The following SLC8A1 variants were observed in gnomAD, a reference collection of about 807,000 sequenced individuals.
SLC8A1 encodes solute carrier family 8 member A1.
In SLC8A1, 18 loss-of-function variants were observed where a neutral mutation model predicts 68.3. That is an observed-to-expected ratio of 0.26 (90% CI 0.18 to 0.39). The LOEUF is 0.39. SLC8A1 is among the 10% of genes least tolerant of loss of function. SLC8A1 has a pLI of 1.00. For synonymous variants in SLC8A1, 475 were observed against 415.5 expected (o/e 1.14, Z -1.74); for missense variants, 985 against 1,156.7 (o/e 0.85, Z 2.15).
intron 2 of SLC8A1, among the ~76,000 whole-genome samples, chr2:40,248,548 G>A (rs1015505595): frequency 6.6e-6 from 1 of 152,220 alleles, no homozygotes; most frequent in South Asian, 2.1e-4. Context: ...TGGAACTGTG[G>A]GAAATACATT....
At chr2:40,464,685 G>T (rs1417116714) in intron 1 of SLC8A1, among the ~76,000 whole-genome samples, 1 of 152,178 alleles carries the variant, frequency 6.6e-6, no homozygotes, top group Non-Finnish European at 1.5e-5. Flanking sequence ...AAGTGGGGAT[G>T]TGGTGGGGGC....
chr2:40,284,955 C>G (rs2068079067), intron 2 of SLC8A1, among the ~76,000 whole-genome samples: 1 of 152,080 alleles, frequency 6.6e-6, no homozygotes, highest in African/African-American at 2.4e-5. Context: ...CATTTTGATA[C>G]TCTAGTTTTA....
At chr2:40,345,770 C>G (rs774953148) in intron 2 of SLC8A1, among the ~76,000 whole-genome samples, 1 of 152,046 alleles carries the variant, frequency 6.6e-6, no homozygotes, top group African/African-American at 2.4e-5. Flanking sequence ...TGCATGTTCT[C>G]AGTCATAAGT....
intron 1 of SLC8A1, among the ~76,000 whole-genome samples, chr2:40,430,980 T>C (rs1488249420): frequency 6.6e-6 from 1 of 152,178 alleles, no homozygotes; most frequent in Non-Finnish European, 1.5e-5. Flanking sequence ...GAGAAAAAAA[T>C]TCTGCTATAA....
At chr2:40,218,768 G>A (rs1270258750) in intron 2 of SLC8A1, among the ~76,000 whole-genome samples, 1 of 151,790 alleles carries the variant, frequency 6.6e-6, no homozygotes, top group African/African-American at 2.4e-5. Flanking sequence ...TGCAGAGATT[G>A]GTAGACCTGT....
At chr2:40,256,728 A>G (rs1242343048) in intron 2 of SLC8A1, among the ~76,000 whole-genome samples, 1 of 152,174 alleles carries the variant, frequency 6.6e-6, no homozygotes, top group Non-Finnish European at 1.5e-5. Context: ...TAGGCCTATC[A>G]CCAGATTTTG....
chr2:40,354,172 C>G (rs1199449024), intron 2 of SLC8A1, among the ~76,000 whole-genome samples: 1 of 152,124 alleles, frequency 6.6e-6, no homozygotes, highest in Non-Finnish European at 1.5e-5. Flanking sequence ...TATATGAGTG[C>G]CTTTGTTTTC....
chr2:40,419,771 T>C (rs1351729496), intron 2 of SLC8A1, among the ~76,000 whole-genome samples: 1 of 152,158 alleles, frequency 6.6e-6, no homozygotes, highest in East Asian at 1.9e-4. Flanking sequence ...TAATTTTGCG[T>C]TCCCACTTTT....
At chr2:40,255,728 C>CAAACT (rs570845013) in intron 2 of SLC8A1, among the ~76,000 whole-genome samples, 73 of 152,294 alleles carry the variant, frequency 4.8e-4, no homozygotes, top group African/African-American at 1.7e-3. Flanking sequence ...CCTTAATTGA[C>CAAACT]AAACTATGTT....
chr2:40,394,437 C>T (rs990597264), intron 2 of SLC8A1, among the ~76,000 whole-genome samples: 18 of 151,372 alleles, frequency 1.2e-4, no homozygotes, highest in African/African-American at 4.4e-4. Flanking sequence ...TGTGGTTTTT[C>T]TGTTAGTGTG....
intron 7 of SLC8A1, among the ~76,000 whole-genome samples, chr2:40,128,684 A>G (rs1015488284): frequency 7.2e-5 from 11 of 152,192 alleles, no homozygotes; most frequent in Non-Finnish European, 1.5e-4. Flanking sequence ...CAGTGTATGA[A>G]CCAAGATTAC....
At chr2:40,385,925 G>A (rs1230530763) in intron 2 of SLC8A1, among the ~76,000 whole-genome samples, 1 of 151,126 alleles carries the variant, frequency 6.6e-6, no homozygotes, top group Admixed American at 6.6e-5. Flanking sequence ...ACAAAGATTT[G>A]AGAGGTAGAA....
intron 2 of SLC8A1, among the ~76,000 whole-genome samples, chr2:40,332,728 T>C (rs750529374): frequency 6.6e-6 from 1 of 152,234 alleles, no homozygotes; most frequent in Non-Finnish European, 1.5e-5. Flanking sequence ...GAAGTGAGTT[T>C]ATAATCCCTG....
At chr2:40,339,272 C>A (rs372975875) in intron 2 of SLC8A1, among the ~76,000 whole-genome samples, 17 of 152,338 alleles carry the variant, frequency 1.1e-4, no homozygotes, top group African/African-American at 3.6e-4. Context: ...TCAGAGTATT[C>A]TGTTTAAAGA....
chr2:40,340,975 T>C lies in SLC8A1; in HGVS notation c.1808+87498A>G, dbSNP rs183391278. ...TTAAACTTTGAGCTTTTATTGATCA[T>C]TTCATATCCTACTATGAACTGCTTT... On this transcript the variant is annotated intron_variant, in intron 2 of 7. Coordinates refer to ENST00000406785, the Ensembl canonical transcript of SLC8A1. Among the ~76,000 whole-genome samples the C allele has an allele frequency of 6.5e-4, 99 of 152,320 alleles. 1 individual carries two copies. Among genetic ancestry groups the C allele is most frequent in the Non-Finnish European group, 3.2e-4 (22 of 68,032 alleles).
At chr2:40,357,273 C>G (rs1205088595) in intron 2 of SLC8A1, among the ~76,000 whole-genome samples, 1 of 152,118 alleles carries the variant, frequency 6.6e-6, no homozygotes, top group Non-Finnish European at 1.5e-5. Flanking sequence ...AGGAGGATCC[C>G]TTGAGCCCAG....
chr2:40,249,985 A>G (rs1262135428), intron 2 of SLC8A1, among the ~76,000 whole-genome samples: 1 of 152,210 alleles, frequency 6.6e-6, no homozygotes, highest in Non-Finnish European at 1.5e-5. Context: ...GTCTAGGTCT[A>G]TACTCAAAAC....
chr2:40,112,296 T>C (rs1039742038), exon 8 of SLC8A1: 2 of 152,298 alleles, frequency 1.3e-5, no homozygotes, highest in Non-Finnish European at 2.9e-5. Context: ...GTGTCAGTAA[T>C]ATGTACCATT....
chr2:40,461,385 G>A (rs1057503298), intron 1 of SLC8A1, among the ~76,000 whole-genome samples: 5 of 152,112 alleles, frequency 3.3e-5, no homozygotes, highest in Admixed American at 6.6e-5. Flanking sequence ...CCTTTGCAAC[G>A]TGGATTTACT....
Sources: gnomAD v4.1 joint callset for allele counts (sites outside exome capture counted in the v4.1 genomes callset) on GRCh38, gnomAD v4.1.1 for gene constraint, MANE v1.5 for transcripts, NCBI Gene and HGNC (gene_info 2026-07-23, HGNC 2026-07-21) for gene names.